Variants in FAP observed in about 807,000 individuals in gnomAD.
The protein encoded by FAP is fibroblast activation protein alpha, also known as prolyl endopeptidase FAP.
In FAP, 110 loss-of-function variants were observed where a neutral mutation model predicts 126.5. The observed-to-expected ratio is 0.87, with a 90% CI of 0.74 to 1.02. FAP has a LOEUF of 1.02. FAP is among the 50% of genes least tolerant of loss of function. FAP has a pLI of 0.00. For synonymous variants in FAP, 334 were observed against 297.3 expected, an observed-to-expected ratio of 1.12 and a Z score of -1.27; for missense variants, 919 against 909.2, an observed-to-expected ratio of 1.01 and a Z score of -0.14.
Position 162,174,872 on chromosome 2 carries a change from T to C in FAP, c.1964A>G (p.Tyr655Cys). 1 of 1,605,576 alleles carries C rather than the reference T, an allele frequency of 6.2e-7. No individual in the cohort carries two copies. The highest frequency in any genetic ancestry group is 8.5e-7 in the Non-Finnish European group (1 of 1,172,748). Reference protein sequence around the residue: ...IAVAPVSSWEYYASVYTERFM... With the variant: ...IAVAPVSSWECYASVYTERFM... Reference sequence around the variant, plus strand: ...ATTAATGAATGTTTCCATACCGTAATATTCCCAGCTGGAGACTGGAGCCAC... The same window carrying C: ...ATTAATGAATGTTTCCATACCGTAACATTCCCAGCTGGAGACTGGAGCCAC... Residue 655 changes from tyrosine to cysteine, a missense_variant, in exon 22 of 26, where the codon TAT (tyrosine) becomes TGT (cysteine). Tyr to Cys is a radical substitution (Grantham distance 194). Coordinates refer to ENST00000188790, the MANE Select transcript of FAP (RefSeq NM_004460.5).
At chr2:162,178,720 G>A (rs540280090) in intron 21 of FAP, among the ~76,000 whole-genome samples, 131 of 152,246 alleles carry the variant, frequency 8.6e-4, no homozygotes, top group African/African-American at 2.9e-3. Flanking sequence ...AGTAATGTGG[G>A]ATTTGGAGCT....
At chr2:162,216,136 A>G (rs956464165) in intron 9 of FAP, 135 bp from the exon 10 acceptor site, 29 of 597,872 alleles carry the variant, frequency 4.9e-5, no homozygotes, top group Non-Finnish European at 8.2e-5. Flanking sequence ...CATTCTATTT[A>G]TAACACGACA....
rs200040369 is a variant in FAP, at chr2:162,215,912, T to G, written c.852A>C (p.Ala284=). 2 of 1,613,176 alleles carry G rather than the reference T, an allele frequency of 1.2e-6. No individual in the cohort carries two copies. The highest frequency in any genetic ancestry group is 2.2e-5 in the East Asian group (1 of 44,878). ...YVGPQEVPVP[A]MIASSDYYFS... is the part of the protein sequence containing the mutation. ...AGATGAACTACCTTGAGGCTATCAT[T>G]GCTGGAACAGGCACTTCCTGGGGAC... Residue 284 remains alanine, a synonymous_variant, in exon 10 of 26, where the codon GCA becomes GCC. Coordinates refer to ENST00000188790, the MANE Select transcript of FAP (RefSeq NM_004460.5).
intron 5 of FAP, 87 bp downstream of exon 5, chr2:162,224,377 CAG>C: frequency 1.4e-6 from 1 of 739,506 alleles, no homozygotes; most frequent in East Asian, 2.7e-5. Flanking sequence ...GAGATAAAGA[CAG>C]ACTCTTGCTT....
intron 7 of FAP, 148 bp downstream of exon 7, chr2:162,219,705 T>C: frequency 3.0e-6 from 2 of 668,512 alleles, no homozygotes; most frequent in South Asian, 1.7e-5. Context: ...TGGGTTTCAA[T>C]TTATCAAAAC....
chr2:162,192,619 A>G (rs1229127423), intron 17 of FAP, among the ~76,000 whole-genome samples: 1 of 152,094 alleles, frequency 6.6e-6, no homozygotes, highest in Non-Finnish European at 1.5e-5. Flanking sequence ...AATGACTTTC[A>G]TCGTTATCTT....
rs1472929059 is a variant in FAP at position 162,189,136 on chromosome 2, TC to T, written c.1585del (p.Asp529ThrfsTer9). The T allele has an allele frequency of 1.8e-5, 29 of 1,603,682 alleles. No individual in the cohort carries two copies. The highest frequency in any genetic ancestry group is 2.5e-5 in the Non-Finnish European group (29 of 1,174,508). On this transcript the variant is annotated frameshift_variant, in exon 19 of 26. Coordinates refer to ENST00000188790, the MANE Select transcript of FAP (RefSeq NM_004460.5). LOFTEE classifies it high-confidence loss of function. ...WYKMILPPQF[D>X]RSKKYPLLIQ... is the part of the protein sequence containing the mutation. ...TAGCAAGGGATACTTCTTTGATCTG[TC>T]AAATTGAGGAGGAAGAATCATCTTG...
At chr2:162,192,968 T>C (rs971364516) in intron 17 of FAP, among the ~76,000 whole-genome samples, 2 of 152,114 alleles carry the variant, frequency 1.3e-5, no homozygotes, top group African/African-American at 2.4e-5. Context: ...CTTACCCCAC[T>C]GTATTGTAAC....
intron 10 of FAP, 34 bp downstream of exon 10, chr2:162,215,864 G>A (rs985082580): frequency 2.1e-6 from 3 of 1,460,160 alleles, no homozygotes; most frequent in African/African-American, 1.4e-5. Flanking sequence ...TAGAATATAG[G>A]ATAGAAAGAT....
intron 21 of FAP, chr2:162,176,777 C>A (rs1422605251): frequency 6.6e-6 from 1 of 152,224 alleles, no homozygotes; most frequent in East Asian, 1.9e-4. Context: ...TAAAGTGAGA[C>A]TTGACATTAA....
chr2:162,225,574 T>C lies in FAP; in HGVS notation c.194A>G (p.Gln65Arg), dbSNP rs1364518300. 1.9e-6 allele frequency: 3 copies of C among 1,591,772 alleles called. No individual in the cohort carries two copies. In the Admixed American group the frequency reaches 5.4e-5, roughly 29 times the overall value. The part of the protein sequence containing the change: ...KTFFPNWISG[Q>R]EYLHQSADNN... ...ATCTGCAGATTGATGAAGATATTCT[T>C]GTCCTTTAAACAAGAAAGAAAACAA... Residue 65 changes from glutamine (Q) to arginine (R), a missense_variant, in exon 4 of 26, where the codon CAA becomes CGA. Physicochemically the swap from Gln to Arg is conservative, Grantham distance 43. Coordinates refer to ENST00000188790, the MANE Select transcript of FAP (RefSeq NM_004460.5).
At chr2:162,194,844 T>C in intron 16 of FAP, 96 bp from the exon 17 acceptor site, 1 of 1,023,504 alleles carries the variant, frequency 9.8e-7, no homozygotes, top group Non-Finnish European at 1.5e-6. Context: ...TAGTGTCAAG[T>C]GCCAGTACAT....
chr2:162,199,429 G>A (rs1435008882), intron 15 of FAP, among the ~76,000 whole-genome samples: 1 of 152,084 alleles, frequency 6.6e-6, no homozygotes, highest in Non-Finnish European at 1.5e-5. Context: ...GCTCAGGCTG[G>A]GAATGCCCCC....
chr2:162,241,739 A>G (rs959783569), intron 2 of FAP, among the ~76,000 whole-genome samples: 30 of 152,238 alleles, frequency 2.0e-4, no homozygotes, highest in South Asian at 1.4e-3. Context: ...TTAACATGAA[A>G]ATTTATGAAA....
chr2:162,205,557 G>A (rs1049926273), intron 12 of FAP, among the ~76,000 whole-genome samples: 1 of 151,666 alleles, frequency 6.6e-6, no homozygotes, highest in African/African-American at 2.4e-5. Context: ...TTGTTGCCCA[G>A]GCTGGAGTGC....
intron 11 of FAP, among the ~76,000 whole-genome samples, chr2:162,212,967 G>C (rs1689004630): frequency 6.6e-6 from 1 of 152,142 alleles, no homozygotes; most frequent in African/African-American, 2.4e-5. Context: ...AGTTTTAAAG[G>C]CTTTTTCTGC....
intron 6 of FAP, 94 bp downstream of exon 6, chr2:162,223,514 G>T: frequency 1.3e-6 from 1 of 795,780 alleles, no homozygotes; most frequent in South Asian, 1.5e-5. Context: ...AGATCATTAA[G>T]AAGATAAAGT....
intron 2 of FAP, among the ~76,000 whole-genome samples, chr2:162,240,540 G>T (rs983197207): frequency 3.9e-5 from 6 of 152,144 alleles, no homozygotes; most frequent in Non-Finnish European, 7.4e-5. Flanking sequence ...CTAGACTGCT[G>T]CACCTCCATA....
At chr2:162,209,889 C>A (rs576425635) in intron 12 of FAP, 63 bp downstream of exon 12, 123 of 1,456,078 alleles carry the variant, frequency 8.4e-5, no homozygotes, top group Middle Eastern at 3.5e-4. Context: ...GCAAATAGTC[C>A]TTTGATAGCT....
Sources: gnomAD v4.1 joint callset for allele counts (sites outside exome capture counted in the v4.1 genomes callset) on GRCh38, gnomAD v4.1.1 for gene constraint, MANE v1.5 for transcripts, NCBI Gene and HGNC (gene_info 2026-07-23, HGNC 2026-07-21) for gene names.